Variants in SHISA9 observed in about 807,000 individuals in gnomAD.
SHISA9 encodes shisa family member 9.
In SHISA9, 13 loss-of-function variants were observed where a neutral mutation model predicts 38.0. The observed-to-expected ratio is 0.34, with a 90% CI of 0.22 to 0.54. The LOEUF (loss-of-function observed/expected upper bound fraction) is 0.54, where lower values mean the gene tolerates loss of function less well. SHISA9 is among the 20% of genes least tolerant of loss of function. The pLI, the probability that SHISA9 is intolerant of heterozygous loss-of-function variation, is 0.91. For missense variants in SHISA9, 538 were observed against 575.8 expected, an observed-to-expected ratio of 0.93 and a Z score of 0.67; for synonymous variants, 275 against 242.0, an observed-to-expected ratio of 1.14 and a Z score of -1.27.
chr16:12,939,205 T>C (rs556953189), intron 2 of SHISA9, among the ~76,000 whole-genome samples: 6 of 152,224 alleles, frequency 3.9e-5, no homozygotes, highest in African/African-American at 1.4e-4. Context: ...TGCCTTAGCC[T>C]CCTGAGTAGC....
At chr16:13,288,610 A>G in the SHISA9 span, among the ~76,000 whole-genome samples, 1 of 152,140 alleles carries the variant, frequency 6.6e-6, no homozygotes, top group Non-Finnish European at 1.5e-5. Flanking sequence ...CCTGGTCAAC[A>G]TGACAAAACG....
chr16:13,299,216 C>T, the SHISA9 span, among the ~76,000 whole-genome samples: 2 of 152,278 alleles, frequency 1.3e-5, no homozygotes, highest in South Asian at 4.1e-4. Flanking sequence ...GTAAAACTTC[C>T]TTTGCCAAAC....
At chr16:13,249,777 C>T in the SHISA9 span, among the ~76,000 whole-genome samples, 1 of 152,022 alleles carries the variant, frequency 6.6e-6, no homozygotes, top group African/African-American at 2.4e-5. Context: ...ACTCTGTCAC[C>T]CAAGCTAGAG....
rs141350298 is a variant in SHISA9 at position 13,196,529 on chromosome 16, A to T, written c.692-6865A>T. Among the ~76,000 whole-genome samples, 3 of 152,320 alleles carry T rather than the reference A, an allele frequency of 2.0e-5. No homozygotes were observed. The East Asian group carries it at 5.8e-4, about 29-fold the overall frequency. On this transcript the variant is annotated intron_variant, in intron 2 of 4. Coordinates refer to ENST00000558583, the MANE Select transcript of SHISA9 (RefSeq NM_001145204.3). Reference sequence around the variant, plus strand: ...TCACACGCAAGAGGAATCTAAAGAGATATGACTAAATTCTAAGTTTAATAT... The same window carrying T: ...TCACACGCAAGAGGAATCTAAAGAGTTATGACTAAATTCTAAGTTTAATAT...
At chr16:13,009,562 C>A (rs925414939) in intron 2 of SHISA9, among the ~76,000 whole-genome samples, 4 of 152,198 alleles carry the variant, frequency 2.6e-5, no homozygotes, top group African/African-American at 7.2e-5. Context: ...GAACCAGAAG[C>A]CTCCGAGGAA....
chr16:13,304,064 A>T, the SHISA9 span, among the ~76,000 whole-genome samples: 1 of 152,200 alleles, frequency 6.6e-6, no homozygotes, highest in East Asian at 1.9e-4. Flanking sequence ...ACCATTTCCA[A>T]GCCTGGTTTC....
At chr16:13,356,711 G>C in the SHISA9 span, among the ~76,000 whole-genome samples, 3 of 152,130 alleles carry the variant, frequency 2.0e-5, no homozygotes, top group South Asian at 2.1e-4. Context: ...TGAGGGGACA[G>C]GTGGGAGGGT....
the SHISA9 span, among the ~76,000 whole-genome samples, chr16:13,306,310 T>G: frequency 2.6e-5 from 4 of 152,054 alleles, no homozygotes; most frequent in African/African-American, 2.4e-5. Context: ...AAACAAGTGG[T>G]GGTTGTGCCA....
chr16:13,492,178 T>C, the SHISA9 span, among the ~76,000 whole-genome samples: 2 of 151,980 alleles, frequency 1.3e-5, no homozygotes, highest in South Asian at 4.2e-4. Context: ...GTCAATTTCC[T>C]CACAAGGAAG....
the SHISA9 span, among the ~76,000 whole-genome samples, chr16:13,333,903 T>C: frequency 1.6e-4 from 24 of 152,190 alleles, no homozygotes; most frequent in African/African-American, 5.5e-4. Context: ...GCAAAGACCT[T>C]GCTCTCAGGA....
At chr16:12,922,001 G>A (rs1381714459) in intron 2 of SHISA9, among the ~76,000 whole-genome samples, 2 of 152,168 alleles carry the variant, frequency 1.3e-5, no homozygotes, top group African/African-American at 4.8e-5. Flanking sequence ...GAGTGGTTAG[G>A]TGGCTTGTCT....
the SHISA9 span, among the ~76,000 whole-genome samples, chr16:13,411,886 G>A: frequency 6.6e-6 from 1 of 152,304 alleles, no homozygotes; most frequent in South Asian, 2.1e-4. Flanking sequence ...TTACAGGAAG[G>A]ATGCTGAAGT....
intron 2 of SHISA9, among the ~76,000 whole-genome samples, chr16:13,197,411 G>A (rs1047919670): frequency 2.6e-5 from 4 of 152,064 alleles, no homozygotes; most frequent in Admixed American, 2.6e-4. Flanking sequence ...ATTTATAACT[G>A]AGCATTTTTA....
the SHISA9 span, among the ~76,000 whole-genome samples, chr16:13,259,016 A>G: frequency 6.6e-6 from 1 of 152,154 alleles, no homozygotes; most frequent in East Asian, 1.9e-4. Context: ...CTAAAAGTCC[A>G]CAGTCCAAAG....
the SHISA9 span, among the ~76,000 whole-genome samples, chr16:13,398,281 C>T: frequency 6.6e-6 from 1 of 152,192 alleles, no homozygotes; most frequent in Non-Finnish European, 1.5e-5. Context: ...CCAAGGACCA[C>T]ACCCTTCCCT....
At chr16:13,218,040 G>A (rs2051187744) in intron 4 of SHISA9, among the ~76,000 whole-genome samples, 1 of 138,458 alleles carries the variant, frequency 7.2e-6, no homozygotes, top group Non-Finnish European at 1.6e-5. Flanking sequence ...GGGAGGGAGG[G>A]AGGGAAGGAA....
the SHISA9 span, among the ~76,000 whole-genome samples, chr16:13,352,319 A>G: frequency 6.6e-6 from 1 of 152,210 alleles, no homozygotes; most frequent in Non-Finnish European, 1.5e-5. Context: ...AGTTTATTTG[A>G]TGCTTTTGTT....
the SHISA9 span, among the ~76,000 whole-genome samples, chr16:13,512,105 C>G: frequency 3.9e-5 from 6 of 152,080 alleles, no homozygotes; most frequent in South Asian, 1.2e-3. Flanking sequence ...AAGCAAGCCT[C>G]AAAAGATTAA....
At chr16:13,269,831 A>G in the SHISA9 span, among the ~76,000 whole-genome samples, 4 of 152,148 alleles carry the variant, frequency 2.6e-5, no homozygotes, top group Non-Finnish European at 2.9e-5. Context: ...AAGGCCATCT[A>G]TCTTATAAAT....
Sources: allele counts gnomAD v4.1 joint callset (sites outside exome capture counted in the v4.1 genomes callset), GRCh38; gene constraint gnomAD v4.1.1; transcripts MANE v1.5; gene names NCBI Gene and HGNC (gene_info 2026-07-23, HGNC 2026-07-21).